Variants in SNX10 observed in about 807,000 individuals in gnomAD.
The protein encoded by SNX10 is sorting nexin-10.
SNX10 carries 25 observed loss-of-function variants against 28.5 expected under a neutral mutation model. The ratio of observed to expected loss-of-function variants is 0.88; its 90% confidence interval spans 0.64 to 1.22. The LOEUF is 1.22. Among genes scored for constraint, SNX10 ranks in the 50% most tolerant of loss-of-function variants. SNX10 has a pLI of 0.00. For missense variants in SNX10, 223 were observed against 242.6 expected, an observed-to-expected ratio of 0.92 and a Z score of 0.54; for synonymous variants, 62 against 81.4, an observed-to-expected ratio of 0.76 and a Z score of 1.28.
At chr7:26,349,979 C>G (rs1290608022) in intron 2 of SNX10, among the ~76,000 whole-genome samples, 1 of 152,196 alleles carries the variant, frequency 6.6e-6, no homozygotes, top group Non-Finnish European at 1.5e-5. Context: ...TGGGCTCTTT[C>G]CTTGGCACAG....
chr7:26,302,082 C>T (rs1396929579), intron 1 of SNX10, among the ~76,000 whole-genome samples: 1 of 152,096 alleles, frequency 6.6e-6, no homozygotes, highest in East Asian at 1.9e-4. Flanking sequence ...TTGTAAAATA[C>T]CTCAGAGCAT....
intron 1 of SNX10, among the ~76,000 whole-genome samples, chr7:26,335,977 C>T (rs1188082820): frequency 6.6e-6 from 1 of 151,616 alleles, no homozygotes; most frequent in Non-Finnish European, 1.5e-5. Flanking sequence ...GTGATCCGCC[C>T]GCCTCGGCCT....
chr7:26,364,380 G>A lies in SNX10; in HGVS notation c.112-155G>A. 3.6e-6 allele frequency: 5 copies of A among 1,381,836 alleles called. No individual in the cohort carries two copies. The highest frequency in any genetic ancestry group is 4.7e-6 in the Non-Finnish European group (5 of 1,068,928). 85.6% of individuals were successfully genotyped at this position (1,381,836 alleles called of 1,614,324 possible). Reference sequence around the variant, plus strand: ...CAGGGCTGTTATGTTCCTGGGTTATGTGCAAGATTTCAGAGTACTGGCATA... The same window carrying A: ...CAGGGCTGTTATGTTCCTGGGTTATATGCAAGATTTCAGAGTACTGGCATA... On this transcript the variant is annotated intron_variant, in intron 3 of 6. Transcript: ENST00000338523. This position sits in a 1 kb window ranked among gnomAD's most constrained non-coding sequence, Gnocchi z 4.9.
intron 1 of SNX10, among the ~76,000 whole-genome samples, chr7:26,325,188 A>G: frequency 6.6e-6 from 1 of 151,008 alleles, no homozygotes; most frequent in East Asian, 1.9e-4. Flanking sequence ...AAATGTCCTA[A>G]GGATTTGCTT....
intron 1 of SNX10, among the ~76,000 whole-genome samples, chr7:26,320,971 T>C (rs1163176047): frequency 6.6e-6 from 1 of 152,248 alleles, no homozygotes; most frequent in African/African-American, 2.4e-5. Context: ...CTTCCAGTTA[T>C]AAACATGGCT....
chr7:26,363,212 G>C (rs572071885), intron 3 of SNX10, among the ~76,000 whole-genome samples: 2 of 152,234 alleles, frequency 1.3e-5, no homozygotes, highest in Admixed American at 6.5e-5. Flanking sequence ...CTGCCATATC[G>C]TTAAAGATAA....
rs1160897782 is a variant in SNX10, at chr7:26,326,136, G to C, written c.-23-20284G>C. 3.3e-5 allele frequency among the ~76,000 whole-genome samples: 5 copies of C among 152,304 alleles called. No homozygotes were observed. The East Asian group carries it at 9.6e-4, about 29-fold the overall frequency. ...GCCGATATTTATCTCCATGGACTGT[G>C]GGGGAGGTTATGCCATTTCGTTAAC... is the stretch of plus-strand genomic sequence containing the variant. On this transcript the variant is annotated intron_variant, in intron 1 of 6. Coordinates refer to ENST00000338523, the MANE Select transcript of SNX10 (RefSeq NM_013322.3).
rs147949979 is a variant in SNX10 at position 26,371,968 on chromosome 7, T to C, written c.459T>C (p.Asn153=). Residue 153 remains asparagine, a synonymous_variant, in exon 6 of 7, where the codon AAT becomes AAC. Transcript: ENST00000338523. ...CAATTCACAAGTTTGCCTTAATGAA[T>C]AGACGTTTCCCTGAAGAAGATGAAG... ...EEAIHKFALM[N]RRFPEEDEEG... is the part of the protein sequence containing the mutation. The C allele has an allele frequency of 1.6e-5, 26 of 1,613,486 alleles. No homozygotes were observed. The highest frequency in any genetic ancestry group is 6.7e-5 in the Admixed American group (4 of 60,008).
At chr7:26,308,481 CA>C (rs1786681460) in intron 1 of SNX10, among the ~76,000 whole-genome samples, 1 of 152,246 alleles carries the variant, frequency 6.6e-6, no homozygotes, top group African/African-American at 2.4e-5. Flanking sequence ...GCCCCTGCTT[CA>C]GTCATCCCTG....
At chr7:26,330,274 G>A (rs1281987513) in intron 1 of SNX10, among the ~76,000 whole-genome samples, 1 of 152,126 alleles carries the variant, frequency 6.6e-6, no homozygotes, top group Non-Finnish European at 1.5e-5. Context: ...TGAGGAGCAG[G>A]AAGCTGGAGA....
At chr7:26,337,572 T>C (rs1189654899) in intron 1 of SNX10, among the ~76,000 whole-genome samples, 1 of 152,276 alleles carries the variant, frequency 6.6e-6, no homozygotes, top group Non-Finnish European at 1.5e-5. Context: ...TTTGTCTTTT[T>C]ATGATTGGAT....
chr7:26,319,447 C>T (rs149668134), intron 1 of SNX10, among the ~76,000 whole-genome samples: 12 of 152,250 alleles, frequency 7.9e-5, no homozygotes, highest in Non-Finnish European at 1.8e-4. Context: ...GCTTCAAATC[C>T]ATTTGGAAGC....
intron 2 of SNX10, among the ~76,000 whole-genome samples, chr7:26,347,092 A>T (rs1289373687): frequency 6.6e-6 from 1 of 152,164 alleles, no homozygotes; most frequent in Non-Finnish European, 1.5e-5. Flanking sequence ...GAGAAGCAGC[A>T]CAGGGGCCTG....
chr7:26,329,585 C>G (rs1184073919), intron 1 of SNX10, among the ~76,000 whole-genome samples: 1 of 152,238 alleles, frequency 6.6e-6, no homozygotes, highest in African/African-American at 2.4e-5. Flanking sequence ...CTCCTGAACC[C>G]TGGATTCCCA....
At chr7:26,317,261 A>G (rs1004842015) in intron 1 of SNX10, among the ~76,000 whole-genome samples, 2 of 152,186 alleles carry the variant, frequency 1.3e-5, no homozygotes, top group South Asian at 2.1e-4. Context: ...CGCCCTGGGT[A>G]GTGAGATTGT....
intron 1 of SNX10, among the ~76,000 whole-genome samples, chr7:26,336,389 G>T (rs1479302577): frequency 1.3e-5 from 2 of 151,470 alleles, no homozygotes; most frequent in African/African-American, 2.4e-5. Flanking sequence ...AAAAAAAAGT[G>T]CTTTTAAAAA....
At chr7:26,372,429 T>C (rs1204427955) in intron 6 of SNX10, 62 bp from the exon 7 acceptor site, 5 of 1,005,200 alleles carry the variant, frequency 5.0e-6, no homozygotes, top group Non-Finnish European at 8.0e-6. Flanking sequence ...TACTCAGGCT[T>C]TGAGTGTGTT....
At position 26,365,074 on chromosome 7, in the gene SNX10, C is replaced by T. The variant is rs1436888860; in HGVS notation, c.240C>T (p.Asn80=). 1 of 1,611,966 alleles carries T rather than the reference C, an allele frequency of 6.2e-7. No individual in the cohort carries two copies. Among genetic ancestry groups the T allele is most frequent in the East Asian group, 2.2e-5 (1 of 44,866 alleles). The change falls in exon 5 of 7, where the codon AAC becomes AAT. Residue 80 remains asparagine, a synonymous_variant. Transcript: ENST00000338523. ...AACTGCCAGAACTTCCATCTAAAAA[C>T]CTGTTTTTCAACATGAACAATCGCC... is the stretch of plus-strand genomic sequence containing the variant. ...LVQLPELPSK[N]LFFNMNNRQH... is the part of the protein sequence containing the mutation.
At chr7:26,320,683 C>T (rs1363700252) in intron 1 of SNX10, among the ~76,000 whole-genome samples, 2 of 152,146 alleles carry the variant, frequency 1.3e-5, no homozygotes, top group African/African-American at 4.8e-5. Flanking sequence ...CCGCCTGCCT[C>T]GGCCTCCCAA....
Sources: gnomAD v4.1 joint callset for allele counts (sites outside exome capture counted in the v4.1 genomes callset) on GRCh38, gnomAD v4.1.1 for gene constraint, Gnocchi (gnomAD v3.1) non-coding constraint, MANE v1.5 for transcripts, NCBI Gene and HGNC (gene_info 2026-07-23, HGNC 2026-07-21) for gene names.